Variants in CELSR2 observed in about 807,000 individuals in gnomAD.
The protein encoded by CELSR2 is EGF-like protein 2.
In CELSR2, 81 loss-of-function variants were observed where a neutral mutation model predicts 251.6. That is an observed-to-expected ratio of 0.32 (90% confidence interval 0.27 to 0.39). The LOEUF is 0.39. Among genes scored for constraint, CELSR2 ranks in the 10% least tolerant of loss-of-function variants. The pLI is 1.00. For synonymous variants in CELSR2, 1,721 were observed against 1,670.5 expected (o/e 1.03, Z -0.74); for missense variants, 3,365 against 3,947.7 (o/e 0.85, Z 3.96).
intron 16 of CELSR2, 89 bp downstream of exon 16, chr1:109,267,731 T>C: frequency 6.4e-7 from 1 of 1,560,554 alleles, no homozygotes; most frequent in Non-Finnish European, 8.7e-7. Context: ...ACGGGGCTTC[T>C]GGAATTCCAG....
chr1:109,273,983 G>C, intron 33 of CELSR2, 39 bp from the exon 34 acceptor site: 1 of 1,612,086 alleles, frequency 6.2e-7, no homozygotes, highest in Non-Finnish European at 8.5e-7. Flanking sequence ...CTAACCCTCT[G>C]TCTGCCTTTT....
At chr1:109,267,394 C>A (rs1656230634) in intron 15 of CELSR2, among the ~76,000 whole-genome samples, 154 bp from the exon 16 acceptor site, 1 of 152,160 alleles carries the variant, frequency 6.6e-6, no homozygotes, top group Admixed American at 6.5e-5. Context: ...CCCTGGTGTT[C>A]TACATACCTG....
At chr1:109,253,500 C>T in intron 1 of CELSR2, 111 bp downstream of exon 1, 2 of 1,468,388 alleles carry the variant, frequency 1.4e-6, no homozygotes, top group Non-Finnish European at 1.8e-6. Context: ...CACCTCCCTG[C>T]CCAGTGCCTG....
In CELSR2 at chr1:109,261,803, C is replaced by A; in HGVS notation, c.4298-5C>A. On this transcript the variant is annotated splice_region_variant and splice_polypyrimidine_tract_variant and intron_variant, in intron 4 of 33. Coordinates refer to ENST00000271332, the MANE Select transcript of CELSR2 (RefSeq NM_001408.3). The surrounding 1 kb of genome is among the most constrained non-coding windows in gnomAD (Gnocchi z 4.8). ...GCATTCCAGCTCACCTGGTCCTTTC[C>A]CCAGGGGAGTCAACCACCACGGTGT... The A allele has an allele frequency of 6.3e-7, 1 of 1,588,136 alleles. No individual in the cohort carries two copies. Among genetic ancestry groups the A allele is most frequent in the Non-Finnish European group, 8.6e-7 (1 of 1,165,472 alleles).
rs1656462102 is a variant in CELSR2, at chr1:109,274,240, C to CG, written c.*191_*192insG. 7.3e-7 allele frequency: 1 copy of CG among 1,377,428 alleles called. No homozygotes were observed. The highest frequency in any genetic ancestry group is 1.5e-5 in the South Asian group (1 of 68,692). The allele number at this position is 1,377,428 out of a possible 1,614,324, so 85.3% of individuals were successfully genotyped here. A position where few individuals can be genotyped will look rare whatever the true frequency, so the allele number is the denominator to read the frequency against. On this transcript the variant is annotated 3_prime_UTR_variant, in exon 34 of 34. Coordinates refer to ENST00000271332, the MANE Select transcript of CELSR2 (RefSeq NM_001408.3). ...CCCACCTAAGGCCATCTAGTGCCAA[C>CG]TCCCCCCCCACCATTCCCCTCACTG...
At chr1:109,271,840 G>A in intron 28 of CELSR2, 118 bp downstream of exon 28, 1 of 1,310,742 alleles carries the variant, frequency 7.6e-7, no homozygotes, top group Non-Finnish European at 1.1e-6. Flanking sequence ...CCTGGAAGGT[G>A]GAAGGGGAGG....
rs774014636 is a variant in CELSR2, at chr1:109,273,198, C to T, written c.8371C>T (p.Pro2791Ser). The T allele has an allele frequency of 3.1e-6, 5 of 1,613,572 alleles. No homozygotes were observed. Among genetic ancestry groups the T allele is most frequent in the African/African-American group, 1.3e-5 (1 of 75,036 alleles). The stretch of plus-strand genomic sequence containing the variant: ...CCCAGGGCCTGGCAAGGCCCCCTGG[C>T]CAGGAGACTTTGGGACCACAGCAAA... ...GGPGPGKAPW[P>S]GDFGTTAKES... The change falls in exon 32 of 34, where the codon CCA becomes TCA. Residue 2791 changes from proline (P) to serine (S), a missense_variant. Transcript: ENST00000271332.
rs1656141194 is a variant in CELSR2 at position 109,264,727 on chromosome 1, C to T, written c.5464+99C>T. ...TGGGGCATGGGGCATCACACCACCTCTCTGAGTCTTAGTTGCCTACACAAC... is the reference window on the plus strand; with the variant it reads ...TGGGGCATGGGGCATCACACCACCTTTCTGAGTCTTAGTTGCCTACACAAC... On this transcript the variant is annotated intron_variant, in intron 11 of 33. Coordinates refer to ENST00000271332, the MANE Select transcript of CELSR2 (RefSeq NM_001408.3). The T allele has an allele frequency of 4.4e-6, 7 of 1,574,740 alleles. No individual in the cohort carries two copies. The Admixed American group carries it at 1.0e-4, about 23-fold the overall frequency.
At chr1:109,256,785 G>A (rs183746631) in intron 1 of CELSR2, among the ~76,000 whole-genome samples, 187 of 152,242 alleles carry the variant, frequency 1.2e-3, no homozygotes, top group African/African-American at 4.3e-3. Flanking sequence ...GGGACCTCCT[G>A]AGTAGCTGAG....
At position 109,269,582 on chromosome 1, in the gene CELSR2, A is replaced by G. The variant is rs781573178; in HGVS notation, c.6971A>G (p.His2324Arg). The G allele has an allele frequency of 3.7e-6, 6 of 1,614,084 alleles. No homozygotes were observed. Among genetic ancestry groups the G allele is most frequent in the South Asian group, 2.2e-5 (2 of 91,086 alleles). ...AAGCCCATCTGTGTCTTCTGGAACCATTCAATCCTGTGAGCCTGCACTGCC... is the reference window on the plus strand; with the variant it reads ...AAGCCCATCTGTGTCTTCTGGAACCGTTCAATCCTGTGAGCCTGCACTGCC... ...RTKPICVFWN[H>R]SILVSGTGGW... The change falls in exon 21 of 34, where the codon CAT becomes CGT. Residue 2324 changes from histidine (H) to arginine (R), a missense_variant. His to Arg is a conservative substitution (Grantham distance 29). Coordinates refer to ENST00000271332, the MANE Select transcript of CELSR2 (RefSeq NM_001408.3). This position sits in a 1 kb window ranked among gnomAD's most constrained non-coding sequence, Gnocchi z 6.4.
intron 15 of CELSR2, among the ~76,000 whole-genome samples, chr1:109,266,743 C>T (rs548785863): frequency 8.5e-4 from 107 of 125,910 alleles, no homozygotes; most frequent in African/African-American, 2.9e-3. Flanking sequence ...TTTTTTGAGA[C>T]GGAGTCTCGC....
rs1462380538 is a variant in CELSR2 at position 109,252,693 on chromosome 1, A to G, written c.2614A>G (p.Ile872Val). ...GDFIVESTSG[I>V]VRTLRRLDRE... ...CTTTATTGTTGAGTCCACGTCAGGC[A>G]TCGTGCGAACGCTACGGAGGCTGGA... The change falls in exon 1 of 34, where the codon ATC becomes GTC. Residue 872 changes from isoleucine (I) to valine (V), a missense_variant. Transcript: ENST00000271332. The surrounding 1 kb of genome is among the most constrained non-coding windows in gnomAD (Gnocchi z 4.8). The G allele has an allele frequency of 6.2e-7, 1 of 1,613,912 alleles. No individual in the cohort carries two copies.
Position 109,269,460 on chromosome 1 carries a change from G to A in CELSR2, c.6849G>A (p.Val2283=), listed in dbSNP as rs746810110. 1 of 1,614,054 alleles carries A rather than the reference G, an allele frequency of 6.2e-7. No individual in the cohort carries two copies. The highest frequency in any genetic ancestry group is 1.1e-5 in the South Asian group (1 of 91,084). The stretch of plus-strand genomic sequence containing the variant: ...GCCCGATCATCAACACACCCGTGGT[G>A]AGCATCAGCGTCCATGATGATGAGG... The part of the protein sequence containing the change: ...PKRPIINTPV[V]SISVHDDEEL... Residue 2283 remains valine, a synonymous_variant, in exon 21 of 34, where the codon GTG becomes GTA. Transcript: ENST00000271332. This position sits in a 1 kb window ranked among gnomAD's most constrained non-coding sequence, Gnocchi z 6.4.
Position 109,269,609 on chromosome 1 carries a change from T to G in CELSR2, c.6980+18T>G, listed in dbSNP as rs1656311008. ...TCAATCCTGTGAGCCTGCACTGCCC[T>G]CGCCCCCTCAGGCTTCGGGCTGAAA... On this transcript the variant is annotated intron_variant, in intron 21 of 33. Coordinates refer to ENST00000271332, the MANE Select transcript of CELSR2 (RefSeq NM_001408.3). This position sits in a 1 kb window ranked among gnomAD's most constrained non-coding sequence, Gnocchi z 6.4. The G allele has an allele frequency of 6.2e-7, 1 of 1,613,580 alleles. No homozygotes were observed. The highest frequency in any genetic ancestry group is 8.5e-7 in the Non-Finnish European group (1 of 1,179,598).
chr1:109,251,715 G>C lies in CELSR2; in HGVS notation c.1636G>C (p.Gly546Arg), dbSNP rs1475463432. The C allele has an allele frequency of 6.2e-7, 1 of 1,614,122 alleles. No homozygotes were observed. Among genetic ancestry groups the C allele is most frequent in the Non-Finnish European group, 8.5e-7 (1 of 1,180,030 alleles). Residue 546 changes from glycine (G) to arginine (R), a missense_variant, in exon 1 of 34, where the codon GGG (glycine) becomes CGG (arginine). Around this residue, in one of 5 missense-constraint regions of CELSR2, gnomAD observed 704 missense variants for 784.1 expected, o/e 0.90. Transcript: ENST00000271332. This position sits in a 1 kb window ranked among gnomAD's most constrained non-coding sequence, Gnocchi z 4.9. Reference protein sequence around the residue: ...DNARLEYRLAGVGHDFPFTIN... With the variant: ...DNARLEYRLARVGHDFPFTIN... The stretch of plus-strand genomic sequence containing the variant: ...TGCCCGCCTGGAATACCGCCTTGCT[G>C]GGGTGGGACATGACTTCCCCTTCAC...
chr1:109,257,895 G>A (rs1012422186), intron 1 of CELSR2, among the ~76,000 whole-genome samples: 7 of 152,202 alleles, frequency 4.6e-5, no homozygotes, highest in African/African-American at 7.2e-5. Context: ...AGGTCTGCGC[G>A]CCCAAGCAGC....
At position 109,264,342 on chromosome 1, in the gene CELSR2, C is replaced by G. The variant is rs115968305; in HGVS notation, c.5266C>G (p.Arg1756Gly). ...ACCTGGGCCAGCCGGCGGTGTGGCC[C>G]GTGGCTTTCGGGGCTGTTTGCAGGT... ...GIPGPAGGVA[R>G]GFRGCLQGVR... The change falls in exon 10 of 34, where the codon CGT (arginine) becomes GGT (glycine). Residue 1756 changes from arginine (R) to glycine (G), a missense_variant. Arg to Gly is a moderately radical substitution (Grantham distance 125). Coordinates refer to ENST00000271332, the MANE Select transcript of CELSR2 (RefSeq NM_001408.3). 113 of 1,609,352 alleles carry G rather than the reference C, an allele frequency of 7.0e-5. No homozygotes were observed. The African/African-American group carries it at 1.1e-3, about 15-fold the overall frequency.
intron 28 of CELSR2, 112 bp from the exon 29 acceptor site, chr1:109,272,166 C>G: frequency 1.5e-6 from 2 of 1,368,474 alleles, no homozygotes; most frequent in Non-Finnish European, 2.0e-6. Context: ...CTCTTTCAGA[C>G]CTGAGCATGT....
rs1322583516 is a variant in CELSR2, at chr1:109,252,049, C to T, written c.1970C>T (p.Ser657Phe). The stretch of plus-strand genomic sequence containing the variant: ...AGTGGCAATACTCGAAACCGCTTCT[C>T]CATCACCAGCCAAAGTGGTGGTGGG... ...ITSGNTRNRF[S>F]ITSQSGGGLV... The change falls in exon 1 of 34, where the codon TCC (serine) becomes TTC (phenylalanine). Residue 657 changes from serine to phenylalanine, a missense_variant. By Grantham distance (155) the Ser-to-Phe change is radical. This residue lies in a region of CELSR2 where 60 missense variants were observed against 104.8 expected (regional missense o/e 0.57). Transcript: ENST00000271332. This position sits in a 1 kb window ranked among gnomAD's most constrained non-coding sequence, Gnocchi z 4.8. 6.2e-7 allele frequency: 1 copy of T among 1,614,108 alleles called. No homozygotes were observed. Among genetic ancestry groups the T allele is most frequent in the East Asian group, 2.2e-5 (1 of 44,882 alleles).
Sources: allele counts gnomAD v4.1 joint callset (sites outside exome capture counted in the v4.1 genomes callset), GRCh38; gene constraint gnomAD v4.1.1; regional missense constraint gnomAD v4.1.1; non-coding constraint Gnocchi (gnomAD v3.1); transcripts MANE v1.5; gene names NCBI Gene and HGNC (gene_info 2026-07-23, HGNC 2026-07-21).